PDXDC1: variants seen among roughly 807,000 people sequenced by gnomAD.
PDXDC1 encodes the protein pyridoxal-dependent decarboxylase domain-containing protein 1.
A neutral mutation model predicts 100.1 loss-of-function variants in PDXDC1; 42 were observed. That is an observed-to-expected ratio of 0.42 (90% CI 0.33 to 0.54). PDXDC1 has a LOEUF of 0.54. Among genes scored for constraint, PDXDC1 ranks in the 20% least tolerant of loss-of-function variants. The pLI, the probability that PDXDC1 is intolerant of heterozygous loss-of-function variation, is 0.10. For synonymous variants in PDXDC1, 260 were observed against 371.7 expected (o/e 0.70, Z 3.46); for missense variants, 636 against 979.2 (o/e 0.65, Z 4.68).
chr16:15,044,391 C>T, intron 16 of PDXDC1: 4 of 1,613,130 alleles, frequency 2.5e-6, no homozygotes, highest in African/African-American at 1.3e-5. Flanking sequence ...AAGCCTCCAA[C>T]AAGGTGTACT....
intron 3 of PDXDC1, among the ~76,000 whole-genome samples, chr16:15,000,581 G>A (rs868753459): frequency 3.3e-5 from 5 of 152,274 alleles, no homozygotes; most frequent in African/African-American, 9.6e-5. Context: ...ATAGCCCTGC[G>A]TTATTCCTGT....
chr16:14,986,337 C>T (rs1256815292), intron 1 of PDXDC1, among the ~76,000 whole-genome samples: 2 of 152,248 alleles, frequency 1.3e-5, no homozygotes, highest in Non-Finnish European at 2.9e-5. Context: ...GGCGTGATGG[C>T]GGGCACCTGG....
intron 16 of PDXDC1, among the ~76,000 whole-genome samples, chr16:15,068,430 C>T (rs1466092098): frequency 2.6e-5 from 4 of 152,110 alleles, no homozygotes; most frequent in Admixed American, 1.3e-4. Flanking sequence ...CAGATAGTCA[C>T]ACAGTATATG....
chr16:15,077,763 C>G (rs1013175345), intron 16 of PDXDC1, among the ~76,000 whole-genome samples: 1 of 152,228 alleles, frequency 6.6e-6, no homozygotes, highest in Non-Finnish European at 1.5e-5. Context: ...ACTGCTTGAA[C>G]CCCGGAGGTG....
intron 8 of PDXDC1, among the ~76,000 whole-genome samples, chr16:15,013,489 G>T (rs1307352405): frequency 1.3e-5 from 2 of 152,216 alleles, no homozygotes; most frequent in Non-Finnish European, 2.9e-5. Context: ...GAAGTATTCT[G>T]AATCTTGATT....
intron 16 of PDXDC1, chr16:15,061,887 C>T (rs777966577): frequency 1.6e-5 from 25 of 1,612,588 alleles, no homozygotes; most frequent in Non-Finnish European, 2.0e-5. Context: ...AAGTCATCAT[C>T]TTCATCTTCC....
chr16:15,133,222 C>G (rs1205592387), intron 16 of PDXDC1: 1 of 1,294,670 alleles, frequency 7.7e-7, no homozygotes, highest in Non-Finnish European at 1.1e-6. Flanking sequence ...GTCCCCAGCA[C>G]GCATGCAGCA....
chr16:15,040,999 T>C (rs1191922104), downstream of PDXDC1: 7 of 1,069,972 alleles, frequency 6.5e-6, no homozygotes, highest in African/African-American at 9.3e-5. Flanking sequence ...GGGTCATTGG[T>C]TTGCTGAATT....
intron 19 of PDXDC1, 100 bp downstream of exon 19, chr16:15,033,499 T>C (rs2043194095): frequency 2.9e-6 from 4 of 1,356,338 alleles, no homozygotes; most frequent in Middle Eastern, 2.1e-4. Flanking sequence ...GTCTGTTCGT[T>C]GTCTCTCAAA....
chr16:15,047,335 C>G, intron 16 of PDXDC1: 1 of 762,440 alleles, frequency 1.3e-6, no homozygotes, highest in South Asian at 1.5e-5. Flanking sequence ...ACGAGGCAGA[C>G]ACGGCAGTGG....
rs563245477 is a variant in PDXDC1 at position 15,073,916 on chromosome 16, C to T, written c.1399+43860C>T. On this transcript the variant is annotated intron_variant, in intron 16 of 16. Coordinates refer to the PDXDC1 transcript ENST00000535621. ...TCAATAACAATTATTTTAAAACAGG[C>T]AATGATATGAGAAAATGTTTATCTT... Among the ~76,000 whole-genome samples the T allele has an allele frequency of 1.2e-3, 185 of 151,922 alleles. 1 individual carries two copies. The highest frequency in any genetic ancestry group is 2.4e-3 in the Non-Finnish European group (161 of 67,988).
chr16:15,080,043 C>G (rs779760731), intron 16 of PDXDC1: 1 of 1,601,814 alleles, frequency 6.2e-7, no homozygotes, highest in Non-Finnish European at 8.5e-7. Flanking sequence ...GAATTTCATG[C>G]CTCAAGGTTG....
rs1365872030 is a variant in PDXDC1, at chr16:15,091,340, T to C, written c.1400-47539T>C. 3 of 1,590,690 alleles carry C rather than the reference T, an allele frequency of 1.9e-6. No homozygotes were observed. The South Asian group carries it at 3.4e-5, about 18-fold the overall frequency. On this transcript the variant is annotated intron_variant, in intron 16 of 16. Coordinates refer to the PDXDC1 transcript ENST00000535621. ...CTTTATGTCTGGATCTAACAGCTGGTTCTTCAACAACTCAAAGTCATTTGT... is the reference window on the plus strand; with the variant it reads ...CTTTATGTCTGGATCTAACAGCTGGCTCTTCAACAACTCAAAGTCATTTGT...
intron 6 of PDXDC1, among the ~76,000 whole-genome samples, chr16:15,007,050 G>A (rs1242976458): frequency 6.6e-6 from 1 of 150,974 alleles, no homozygotes; most frequent in Admixed American, 6.6e-5. Context: ...GTGTAGTGCT[G>A]TTAAGGACTT....
At chr16:15,063,524 C>T (rs1365033391) in intron 16 of PDXDC1, among the ~76,000 whole-genome samples, 3 of 151,726 alleles carry the variant, frequency 2.0e-5, no homozygotes, top group Non-Finnish European at 2.9e-5. Context: ...CTGGCTAACA[C>T]GGTGAAACCC....
chr16:15,082,649 G>A (rs1387180381), intron 16 of PDXDC1, among the ~76,000 whole-genome samples: 1 of 151,330 alleles, frequency 6.6e-6, no homozygotes, highest in Non-Finnish European at 1.5e-5. Context: ...CTCCAGCCTG[G>A]GTGACAGACG....
intron 16 of PDXDC1, among the ~76,000 whole-genome samples, chr16:15,096,804 C>T (rs977369737): frequency 2.0e-5 from 3 of 152,200 alleles, no homozygotes; most frequent in African/African-American, 4.8e-5. Flanking sequence ...TCACCTCAGC[C>T]GCCCGAACCC....
chr16:15,095,009 C>T lies in PDXDC1; in HGVS notation c.1400-43870C>T, dbSNP rs557181819. On this transcript the variant is annotated intron_variant, in intron 16 of 16. Transcript: ENST00000535621. Reference sequence around the variant, plus strand: ...CATGCCACCACACCCGGCTAATTTTCGTATTTTTAGTGGAGACGGGGTTGC... The same window carrying T: ...CATGCCACCACACCCGGCTAATTTTTGTATTTTTAGTGGAGACGGGGTTGC... Among the ~76,000 whole-genome samples the T allele has an allele frequency of 7.9e-5, 12 of 151,856 alleles. No individual in the cohort carries two copies. In the East Asian group the frequency reaches 1.9e-3, roughly 25 times the overall value.
chr16:15,041,447 A>C (rs533625537), downstream of PDXDC1, among the ~76,000 whole-genome samples: 23 of 152,286 alleles, frequency 1.5e-4, no homozygotes, highest in African/African-American at 5.5e-4. Flanking sequence ...GAGGCTCGGC[A>C]GATGGTGGAC....
Sources: gnomAD v4.1 joint callset for allele counts (sites outside exome capture counted in the v4.1 genomes callset) on GRCh38, gnomAD v4.1.1 for gene constraint, MANE v1.5 for transcripts, NCBI Gene and HGNC (gene_info 2026-07-23, HGNC 2026-07-21) for gene names.